Variants in NRXN3 observed in about 807,000 individuals in gnomAD.
NRXN3 encodes the protein neurexin 3.
Under a neutral mutation model 137.6 loss-of-function variants are expected in NRXN3, and 32 were observed. The ratio of observed to expected loss-of-function variants is 0.23; its 90% CI spans 0.18 to 0.31. The LOEUF (loss-of-function observed/expected upper bound fraction) is 0.31. Among genes scored for constraint, NRXN3 ranks in the 10% least tolerant of loss-of-function variants. NRXN3 has a pLI of 1.00. For missense variants in NRXN3, 1,574 were observed against 2,062.5 expected, an observed-to-expected ratio of 0.76 and a Z score of 4.59; for synonymous variants, 798 against 784.5, an observed-to-expected ratio of 1.02 and a Z score of -0.29.
intron 15 of NRXN3, among the ~76,000 whole-genome samples, chr14:79,441,191 C>CTT (rs80110823): frequency 1.3e-5 from 2 of 150,604 alleles, no homozygotes; most frequent in South Asian, 2.1e-4. Context: ...CACAGTGTTT[C>CTT]TTTTTTTTTA....
intron 15 of NRXN3, among the ~76,000 whole-genome samples, chr14:79,337,528 T>C (rs2153351339): frequency 6.6e-6 from 1 of 152,322 alleles, no homozygotes; most frequent in Non-Finnish European, 1.5e-5. Context: ...TGGTCTTCCA[T>C]CGTGATGGTA....
chr14:78,545,076 A>G (rs2096625246), intron 4 of NRXN3, among the ~76,000 whole-genome samples: 1 of 152,190 alleles, frequency 6.6e-6, no homozygotes, highest in Admixed American at 6.5e-5. Context: ...TTTTATTGGC[A>G]TTCCTATAGA....
At chr14:79,632,079 T>G (rs1229907630) in intron 16 of NRXN3, among the ~76,000 whole-genome samples, 1 of 152,080 alleles carries the variant, frequency 6.6e-6, no homozygotes, top group Non-Finnish European at 1.5e-5. Context: ...CTTTCACTCT[T>G]TACAATAAAT....
At chr14:78,799,804 G>T (rs1221520353) in intron 8 of NRXN3, among the ~76,000 whole-genome samples, 1 of 152,060 alleles carries the variant, frequency 6.6e-6, no homozygotes, top group Non-Finnish European at 1.5e-5. Flanking sequence ...AGCGAAAGGG[G>T]TTTTTCGTTA....
At chr14:78,778,716 T>TTCTCTCTC (rs2098754394) in intron 8 of NRXN3, among the ~76,000 whole-genome samples, 2 of 148,472 alleles carry the variant, frequency 1.3e-5, no homozygotes, top group African/African-American at 5.1e-5. Context: ...CTTTCTTTCT[T>TTCTCTCTC]TCTTTCTTTC....
intron 4 of NRXN3, among the ~76,000 whole-genome samples, chr14:78,377,562 G>T (rs576087425): frequency 1.3e-5 from 2 of 152,342 alleles, no homozygotes; most frequent in East Asian, 3.9e-4. Flanking sequence ...GTAACATAAT[G>T]TCACACACAG....
At chr14:78,535,418 G>T (rs1363369301) in intron 4 of NRXN3, among the ~76,000 whole-genome samples, 1 of 152,186 alleles carries the variant, frequency 6.6e-6, no homozygotes, top group Non-Finnish European at 1.5e-5. Flanking sequence ...AATAGTAAAA[G>T]GATAGAACTT....
chr14:79,205,489 A>T (rs2066662218), intron 15 of NRXN3, among the ~76,000 whole-genome samples: 1 of 152,194 alleles, frequency 6.6e-6, no homozygotes, highest in African/African-American at 2.4e-5. Flanking sequence ...TTATCACCAT[A>T]GTTCAGCACA....
chr14:79,198,071 C>A (rs1450145240), intron 15 of NRXN3, among the ~76,000 whole-genome samples: 1 of 152,140 alleles, frequency 6.6e-6, no homozygotes, highest in Non-Finnish European at 1.5e-5. Context: ...CAGTCCCAGT[C>A]CCATCTTCAG....
At chr14:78,474,330 A>G (rs2095338623) in intron 4 of NRXN3, among the ~76,000 whole-genome samples, 1 of 152,162 alleles carries the variant, frequency 6.6e-6, no homozygotes, top group African/African-American at 2.4e-5. Flanking sequence ...TAGGAGCTGG[A>G]TAGCTGTCCC....
intron 16 of NRXN3, among the ~76,000 whole-genome samples, chr14:79,661,286 C>T (rs1034274219): frequency 6.6e-6 from 1 of 152,068 alleles, no homozygotes; most frequent in African/African-American, 2.4e-5. Flanking sequence ...GGATTGCAGA[C>T]ATCATTTTAT....
chr14:78,634,019 C>G (rs2097545788), intron 4 of NRXN3, among the ~76,000 whole-genome samples: 2 of 152,260 alleles, frequency 1.3e-5, no homozygotes, highest in Non-Finnish European at 2.9e-5. Flanking sequence ...TGGGGATTTT[C>G]TTAAAGAACT....
intron 16 of NRXN3, among the ~76,000 whole-genome samples, chr14:79,598,355 G>T (rs923836190): frequency 6.6e-6 from 1 of 152,100 alleles, no homozygotes; most frequent in Non-Finnish European, 1.5e-5. Flanking sequence ...CCTGTCCAAG[G>T]CAGGAATTTT....
intron 15 of NRXN3, among the ~76,000 whole-genome samples, chr14:79,444,634 C>T (rs2096025486): frequency 6.6e-6 from 1 of 152,142 alleles, no homozygotes; most frequent in Non-Finnish European, 1.5e-5. Flanking sequence ...AAACCAGCCT[C>T]AGCAATATAG....
intron 15 of NRXN3, among the ~76,000 whole-genome samples, chr14:79,108,424 C>T (rs766017096): frequency 3.2e-4 from 48 of 152,214 alleles, no homozygotes; most frequent in Non-Finnish European, 1.5e-4. Flanking sequence ...TAGCCTTGGA[C>T]TTTGCTACCT....
intron 15 of NRXN3, among the ~76,000 whole-genome samples, chr14:79,290,611 G>A (rs991417702): frequency 2.1e-4 from 31 of 149,494 alleles, no homozygotes; most frequent in Non-Finnish European, 3.1e-4. Flanking sequence ...GGATGTGGTA[G>A]CAAGAGGAAC....
intron 16 of NRXN3, among the ~76,000 whole-genome samples, chr14:79,595,101 A>G (rs2097847351): frequency 6.6e-6 from 1 of 152,190 alleles, no homozygotes; most frequent in Non-Finnish European, 1.5e-5. Context: ...CCTTCCAAAA[A>G]TGTTTCAGTT....
intron 15 of NRXN3, among the ~76,000 whole-genome samples, chr14:79,003,590 ATTCACAGTAAAT>A (rs2152346407): frequency 6.6e-6 from 1 of 152,234 alleles, no homozygotes; most frequent in East Asian, 1.9e-4. Context: ...TCTCATCCTT[ATTCACAGTAAAT>A]TTCTTGACAG....
chr14:78,836,453 G>T (rs554857047), intron 10 of NRXN3, among the ~76,000 whole-genome samples: 1 of 152,310 alleles, frequency 6.6e-6, no homozygotes, highest in Non-Finnish European at 1.5e-5. Context: ...AGTTTCCTCA[G>T]CTCCATGCTC....
Sources: allele counts gnomAD v4.1 joint callset (sites outside exome capture counted in the v4.1 genomes callset), GRCh38; gene constraint gnomAD v4.1.1; transcripts MANE v1.5; gene names NCBI Gene and HGNC (gene_info 2026-07-23, HGNC 2026-07-21).